FAM13A: variants seen among roughly 807,000 people sequenced by gnomAD.
FAM13A encodes the protein family with sequence similarity 13 member A.
In FAM13A, 76 loss-of-function variants were observed where a neutral mutation model predicts 129.6. That is an observed-to-expected ratio of 0.59 (90% CI 0.49 to 0.71). FAM13A has a LOEUF of 0.71. Among genes scored for constraint, FAM13A ranks in the 30% least tolerant of loss-of-function variants. The pLI, the probability that FAM13A is intolerant of heterozygous loss-of-function variation, is 0.00. For missense variants in FAM13A, 1,108 were observed against 1,249.3 expected (o/e 0.89, Z 1.70); for synonymous variants, 443 against 449.9 (o/e 0.98, Z 0.20).
intron 8 of FAM13A, among the ~76,000 whole-genome samples, chr4:88,799,480 CT>C (rs58865037): frequency 0.018 from 2,694 of 147,462 alleles, 71 homozygotes; most frequent in African/African-American, 0.059. Flanking sequence ...AACAATTCCA[CT>C]TTTTTTTTTT....
chr4:88,905,663 T>C (rs1360078904), intron 6 of FAM13A: 1 of 152,180 alleles, frequency 6.6e-6, no homozygotes, highest in Non-Finnish European at 1.5e-5. Flanking sequence ...GGTATTTGGT[T>C]TTCTATTCCT....
intron 5 of FAM13A, among the ~76,000 whole-genome samples, chr4:88,906,720 A>G (rs748343359): frequency 7.9e-5 from 12 of 152,234 alleles, no homozygotes; most frequent in South Asian, 2.1e-4. Context: ...ATTAAAAATC[A>G]TATCTGCACT....
At chr4:88,735,380 T>C (rs1194191868) in intron 21 of FAM13A, among the ~76,000 whole-genome samples, 3 of 152,340 alleles carry the variant, frequency 2.0e-5, no homozygotes, top group East Asian at 1.9e-4. Context: ...TTGATACTTA[T>C]GTAGTGAGTG....
chr4:88,862,563 G>A (rs897700768), intron 6 of FAM13A, among the ~76,000 whole-genome samples: 2 of 152,140 alleles, frequency 1.3e-5, no homozygotes, highest in Non-Finnish European at 2.9e-5. Context: ...AAAAAACTAG[G>A]TTCAGTTTTT....
intron 1 of FAM13A, among the ~76,000 whole-genome samples, chr4:89,041,107 TAAAG>T (rs1390420851): frequency 6.6e-6 from 1 of 152,112 alleles, no homozygotes; most frequent in Non-Finnish European, 1.5e-5. Context: ...ATAAGGGAGA[TAAAG>T]AGAGGTGTTA....
intron 6 of FAM13A, among the ~76,000 whole-genome samples, chr4:88,873,369 A>C (rs1044299858): frequency 1.3e-5 from 2 of 152,346 alleles, no homozygotes; most frequent in Admixed American, 1.3e-4. Flanking sequence ...TTTTGAAAGG[A>C]TCAACAAAAT....
In FAM13A at chr4:88,924,458, G is replaced by A. The variant is rs1195539726; in HGVS notation, c.759+13630C>T. On this transcript the variant is annotated intron_variant, in intron 5 of 23. Coordinates refer to ENST00000264344, the MANE Select transcript of FAM13A (RefSeq NM_014883.4). ...GACAAAAACAAGAAATGGGGAAAGG[G>A]TTCCCTATTTAATAAATGGTGCTGG... is the stretch of plus-strand genomic sequence containing the variant. Among the ~76,000 whole-genome samples, 14 of 152,126 alleles carry A rather than the reference G, an allele frequency of 9.2e-5. No homozygotes were observed. In the South Asian group the frequency reaches 1.9e-3, roughly 20 times the overall value.
chr4:89,050,495 T>G (rs1366460229), intron 1 of FAM13A, among the ~76,000 whole-genome samples: 4 of 152,016 alleles, frequency 2.6e-5, no homozygotes, highest in African/African-American at 9.7e-5. Context: ...TGTGAGCCAC[T>G]GTGCCTGGAC....
intron 5 of FAM13A, chr4:88,937,679 C>T (rs1356080147): frequency 1.1e-5 from 2 of 183,118 alleles, no homozygotes; most frequent in African/African-American, 2.3e-5. Context: ...TTGTGCCAGA[C>T]ACAAAAGAGA....
At chr4:88,941,827 C>T (rs1351376983) in intron 4 of FAM13A, among the ~76,000 whole-genome samples, 1 of 152,086 alleles carries the variant, frequency 6.6e-6, no homozygotes, top group East Asian at 1.9e-4. Flanking sequence ...TATGGCAGGG[C>T]ACATAACCTT....
chr4:88,932,803 G>A (rs779373262), intron 5 of FAM13A, among the ~76,000 whole-genome samples: 30 of 152,216 alleles, frequency 2.0e-4, no homozygotes, highest in African/African-American at 7.2e-4. Context: ...CACTTCCTTC[G>A]AACTAATCGC....
chr4:88,856,812 C>T (rs1195184470), intron 6 of FAM13A, among the ~76,000 whole-genome samples: 1 of 151,986 alleles, frequency 6.6e-6, no homozygotes, highest in Non-Finnish European at 1.5e-5. Flanking sequence ...CTTTCATGTT[C>T]GTTAAACTCA....
rs567429776 is a variant in FAM13A, at chr4:88,965,984, C to G, written c.605+24989G>C. 4.6e-5 allele frequency among the ~76,000 whole-genome samples: 7 copies of G among 152,296 alleles called. No homozygotes were observed. The East Asian group carries it at 1.3e-3, about 29-fold the overall frequency. ...CCATGGACACTTGGATTATTACCAT[C>G]TCTTGGCTATTGTAATGCAGCTATG... On this transcript the variant is annotated intron_variant, in intron 4 of 23. Transcript: ENST00000264344.
chr4:88,970,676 G>A (rs1296803529), intron 4 of FAM13A, among the ~76,000 whole-genome samples: 2 of 151,914 alleles, frequency 1.3e-5, no homozygotes, highest in Admixed American at 6.6e-5. Flanking sequence ...AAAACACACT[G>A]CTAAATAACG....
intron 19 of FAM13A, among the ~76,000 whole-genome samples, chr4:88,743,954 G>A (rs111432829): frequency 0.018 from 2,794 of 152,256 alleles, 34 homozygotes; most frequent in Non-Finnish European, 0.027. Flanking sequence ...AAGACAAAAT[G>A]GGATGGATTC....
intron 6 of FAM13A, among the ~76,000 whole-genome samples, chr4:88,859,570 A>G (rs1739135896): frequency 6.6e-6 from 1 of 152,194 alleles, no homozygotes; most frequent in Non-Finnish European, 1.5e-5. Flanking sequence ...TGTTGGAGGC[A>G]TAATGGCCAA....
intron 8 of FAM13A, among the ~76,000 whole-genome samples, chr4:88,791,342 A>G (rs1310410341): frequency 6.6e-6 from 1 of 152,132 alleles, no homozygotes; most frequent in East Asian, 1.9e-4. Flanking sequence ...GTCAACACAA[A>G]GTAGAATGAT....
At chr4:88,823,988 G>C (rs1216878776) in intron 7 of FAM13A, among the ~76,000 whole-genome samples, 1 of 151,898 alleles carries the variant, frequency 6.6e-6, no homozygotes, top group East Asian at 1.9e-4. Context: ...ATTTTGGGGG[G>C]GTTGCTTTTT....
chr4:88,754,046 C>G (rs533612819), intron 14 of FAM13A, among the ~76,000 whole-genome samples: 3 of 152,330 alleles, frequency 2.0e-5, no homozygotes, highest in South Asian at 2.1e-4. Context: ...AGGCTTCACA[C>G]TGGACTGTCT....
Sources: allele counts gnomAD v4.1 joint callset (sites outside exome capture counted in the v4.1 genomes callset), GRCh38; gene constraint gnomAD v4.1.1; transcripts MANE v1.5; gene names NCBI Gene and HGNC (gene_info 2026-07-23, HGNC 2026-07-21).